Variants in RTF1 observed in about 807,000 individuals in gnomAD.
The protein encoded by RTF1 is RTF1 homolog, Paf1/RNA polymerase II complex component.
Under a neutral mutation model 95.7 loss-of-function variants are expected in RTF1, and 10 were observed. The ratio of observed to expected loss-of-function variants is 0.10; its 90% CI spans 0.06 to 0.18. The LOEUF (loss-of-function observed/expected upper bound fraction) is 0.18. Among genes scored for constraint, RTF1 ranks in the 10% least tolerant of loss-of-function variants. The probability of loss-of-function intolerance (pLI) is 1.00; values close to 1 mark genes in which losing one functional copy is unlikely to be tolerated. For missense variants in RTF1, 458 were observed against 875.6 expected, an observed-to-expected ratio of 0.52 and a Z score of 6.02; for synonymous variants, 305 against 311.8, an observed-to-expected ratio of 0.98 and a Z score of 0.23.
intron 2 of RTF1, among the ~76,000 whole-genome samples, chr15:41,450,564 GAC>G (rs1456496732): frequency 1.3e-5 from 2 of 148,816 alleles, no homozygotes; most frequent in African/African-American, 5.0e-5. Context: ...CAGCCTGGAC[GAC>G]AGAGTGAGAC....
At chr15:41,450,000 A>G (rs1391485902) in intron 2 of RTF1, among the ~76,000 whole-genome samples, 1 of 151,960 alleles carries the variant, frequency 6.6e-6, no homozygotes, top group African/African-American at 2.4e-5. Context: ...GTTTGAGACT[A>G]GCCTTGGTAA....
chr15:41,437,199 A>G (rs1397506367), intron 1 of RTF1, among the ~76,000 whole-genome samples: 2 of 151,760 alleles, frequency 1.3e-5, no homozygotes, highest in Admixed American at 6.6e-5. Flanking sequence ...ATGTTTAGAA[A>G]AGTACCTTGC....
chr15:41,422,260 TCAGGTGATC>T, intron 1 of RTF1, among the ~76,000 whole-genome samples: 1 of 152,164 alleles, frequency 6.6e-6, no homozygotes, highest in East Asian at 1.9e-4. Context: ...ACTCCTGGCC[TCAGGTGATC>T]CAGCACCTGG....
intron 1 of RTF1, among the ~76,000 whole-genome samples, chr15:41,428,605 C>A (rs540441737): frequency 6.6e-6 from 1 of 150,566 alleles, no homozygotes; most frequent in Non-Finnish European, 1.5e-5. Flanking sequence ...CAGGGTCTCA[C>A]TCTGTTACCC....
intron 1 of RTF1, among the ~76,000 whole-genome samples, chr15:41,436,587 G>A (rs1158561071): frequency 6.9e-6 from 1 of 145,100 alleles, no homozygotes; most frequent in Non-Finnish European, 1.5e-5. Flanking sequence ...TCACACCACT[G>A]CACTCCAGCC....
intron 2 of RTF1, among the ~76,000 whole-genome samples, chr15:41,451,120 A>G (rs1382360445): frequency 2.0e-5 from 3 of 152,098 alleles, no homozygotes; most frequent in Non-Finnish European, 2.9e-5. Flanking sequence ...GATCAAAAGA[A>G]TTTACTTCTT....
At chr15:41,438,487 T>G in intron 2 of RTF1, 56 bp downstream of exon 2, 1 of 1,191,814 alleles carries the variant, frequency 8.4e-7, no homozygotes, top group South Asian at 1.4e-5. Flanking sequence ...GCTCCTCGCT[T>G]TGGTGGCTCC....
chr15:41,451,460 G>C (rs1173251294), intron 2 of RTF1, among the ~76,000 whole-genome samples: 1 of 152,062 alleles, frequency 6.6e-6, no homozygotes, highest in African/African-American at 2.4e-5. Flanking sequence ...ATGGTTTTTT[G>C]GCCTTGGGGT....
Position 41,456,037 on chromosome 15 carries a change from C to T in RTF1, c.458-1635C>T, listed in dbSNP as rs1042303978. Among the ~76,000 whole-genome samples, 9 of 152,124 alleles carry T rather than the reference C, an allele frequency of 5.9e-5. No individual in the cohort carries two copies. The South Asian group carries it at 6.2e-4, about 11-fold the overall frequency. ...ACCAGCTGGACCAACATATTTTCAT[C>T]TTTACTAAAAATAGAAAAATTAGCC... On this transcript the variant is annotated intron_variant, in intron 3 of 17. Transcript: ENST00000389629.
At chr15:41,473,770 C>T (rs1329599813) in intron 8 of RTF1, among the ~76,000 whole-genome samples, 2 of 149,390 alleles carry the variant, frequency 1.3e-5, no homozygotes, top group African/African-American at 4.9e-5. Context: ...CTCGGCTGGG[C>T]GCAGTGGCTC....
chr15:41,438,240 T>C (rs2050714908), intron 1 of RTF1, 81 bp from the exon 2 acceptor site: 1 of 921,774 alleles, frequency 1.1e-6, no homozygotes, highest in Non-Finnish European at 1.6e-6. Flanking sequence ...AAAAAAGATC[T>C]AGAGAGGGTG....
intron 1 of RTF1, among the ~76,000 whole-genome samples, chr15:41,435,642 T>A (rs974416437): frequency 6.6e-6 from 1 of 152,188 alleles, no homozygotes; most frequent in Non-Finnish European, 1.5e-5. Context: ...ATTTTATGAG[T>A]GTTTATCAAC....
rs1344834155 is a variant in RTF1, at chr15:41,470,654, T to TC, written c.1025+262_1025+263insC. Among the ~76,000 whole-genome samples the TC allele has an allele frequency of 5.1e-4, 64 of 125,614 alleles. 1 individual carries two copies. The highest frequency in any genetic ancestry group is 4.6e-4 in the African/African-American group (14 of 30,720). The allele number at this position is 125,614 out of a possible 152,430, so 82.4% of individuals were successfully genotyped here. ...CCTGGAGCTTTCATTCATTTTCTTT[T>TC]TTTTTTTTTTTTTTTTTTTTTTGAG... On this transcript the variant is annotated intron_variant, in intron 7 of 17. Coordinates refer to ENST00000389629, the MANE Select transcript of RTF1 (RefSeq NM_015138.5).
intron 2 of RTF1, among the ~76,000 whole-genome samples, chr15:41,452,644 G>A (rs2050794580): frequency 3.3e-5 from 5 of 152,124 alleles, no homozygotes; most frequent in Non-Finnish European, 7.3e-5. Flanking sequence ...TAAAGTGGGA[G>A]GATGGCTTGA....
chr15:41,461,407 C>A lies in RTF1; in HGVS notation c.663-3364C>A, dbSNP rs1050188285. Among the ~76,000 whole-genome samples the A allele has an allele frequency of 3.9e-5, 6 of 152,240 alleles. No homozygotes were observed. In the East Asian group the frequency reaches 7.7e-4, roughly 20 times the overall value. ...ATGTTGGCCAGGCTGGTTTCCAAGT[C>A]CTGACCTTAAATGATCCTCCTGCCT... On this transcript the variant is annotated intron_variant, in intron 4 of 17. Transcript: ENST00000389629.
At chr15:41,458,121 G>A (rs927355600) in intron 4 of RTF1, among the ~76,000 whole-genome samples, 3 of 152,118 alleles carry the variant, frequency 2.0e-5, no homozygotes, top group Admixed American at 6.6e-5. Flanking sequence ...CATTATTTAT[G>A]TGCACTATTT....
chr15:41,477,063 A>G (rs1036124489), intron 12 of RTF1, 102 bp from the exon 13 acceptor site: 1 of 1,461,528 alleles, frequency 6.8e-7, no homozygotes, highest in African/African-American at 1.4e-5. Flanking sequence ...TCCTTTGCTC[A>G]CCACATGAGA....
Position 41,480,791 on chromosome 15 carries a change from C to G in RTF1, c.*104C>G, listed in dbSNP as rs1008622239. 8 of 810,312 alleles carry G rather than the reference C, an allele frequency of 9.9e-6. No individual in the cohort carries two copies. The African/African-American group carries it at 1.3e-4, about 14-fold the overall frequency. The allele number at this position is 810,312 out of a possible 1,614,324, so 50.2% of individuals were successfully genotyped here. A position where few individuals can be genotyped will look rare whatever the true frequency, so the allele number is the denominator to read the frequency against. On this transcript the variant is annotated 3_prime_UTR_variant, in exon 18 of 18. Transcript: ENST00000389629. ...TCTTTGGGCTGGAGCAGCTGTTGAACTGGGAAGAGACTCTAAACTGCCAGT... is the reference window on the plus strand; with the variant it reads ...TCTTTGGGCTGGAGCAGCTGTTGAAGTGGGAAGAGACTCTAAACTGCCAGT...
intron 2 of RTF1, among the ~76,000 whole-genome samples, chr15:41,452,481 C>T (rs2050793807): frequency 6.6e-6 from 1 of 151,962 alleles, no homozygotes; most frequent in African/African-American, 2.4e-5. Context: ...TGTCTGTAAT[C>T]CCAGCACTTT....
Sources: allele counts gnomAD v4.1 joint callset (sites outside exome capture counted in the v4.1 genomes callset), GRCh38; gene constraint gnomAD v4.1.1; transcripts MANE v1.5; gene names NCBI Gene and HGNC (gene_info 2026-07-23, HGNC 2026-07-21).